INTS2: variants seen among roughly 807,000 people sequenced by gnomAD.
INTS2 encodes the protein KIAA1287.
Under a neutral mutation model 139.6 loss-of-function variants are expected in INTS2, and 57 were observed. The ratio of observed to expected loss-of-function variants is 0.41; its 90% CI spans 0.33 to 0.51. The LOEUF is 0.51. INTS2 is among the 20% of genes least tolerant of loss of function. The pLI, the probability that INTS2 is intolerant of heterozygous loss-of-function variation, is 0.28. For missense variants in INTS2, 1,196 were observed against 1,436.7 expected (o/e 0.83, Z 2.71); for synonymous variants, 473 against 493.4 (o/e 0.96, Z 0.55).
At chr17:61,922,753 G>C (rs1171766412) in intron 3 of INTS2, among the ~76,000 whole-genome samples, 1 of 151,842 alleles carries the variant, frequency 6.6e-6, no homozygotes, top group African/African-American at 2.4e-5. Flanking sequence ...TTACGGAAAA[G>C]ATGAAGGAAA....
In INTS2 at chr17:61,867,773, G is replaced by A; in HGVS notation, c.3422-47C>T. ...ACATTAAGGCCAAGAAATTTGGAAAGGAATTTGGCCTTTTTGTTTGAGATA... is the reference window on the plus strand; with the variant it reads ...ACATTAAGGCCAAGAAATTTGGAAAAGAATTTGGCCTTTTTGTTTGAGATA... On this transcript the variant is annotated intron_variant, in intron 24 of 24. Transcript: ENST00000251334. This position sits in a 1 kb window ranked among gnomAD's most constrained non-coding sequence, Gnocchi z 5.6. 6.4e-7 allele frequency: 1 copy of A among 1,559,836 alleles called. No individual in the cohort carries two copies. The highest frequency in any genetic ancestry group is 8.7e-7 in the Non-Finnish European group (1 of 1,155,040).
At chr17:61,919,546 T>TGGTG (rs1391427946) in intron 4 of INTS2, 33 bp from the exon 5 acceptor site, 2 of 1,140,148 alleles carry the variant, frequency 1.8e-6, no homozygotes, top group Non-Finnish European at 2.6e-6. Flanking sequence ...TTAGTCTTTG[T>TGGTG]TAACAGGTGC....
chr17:61,880,934 A>T (rs1001657451), intron 17 of INTS2, 73 bp downstream of exon 17: 32 of 1,180,508 alleles, frequency 2.7e-5, no homozygotes, highest in African/African-American at 4.6e-5. Flanking sequence ...CTGTATGATT[A>T]TAAGATTTCA....
At chr17:61,900,766 T>G (rs886468398) in intron 9 of INTS2, among the ~76,000 whole-genome samples, 1 of 152,188 alleles carries the variant, frequency 6.6e-6, no homozygotes, top group South Asian at 2.1e-4. Flanking sequence ...GAGACCAGCC[T>G]GACCAACATG....
rs200734224 is a variant in INTS2, at chr17:61,867,750, A to G, written c.3422-24T>C. ...ACCTACAACATAAGGGAAAAAAAAC[A>G]TTAAGGCCAAGAAATTTGGAAAGGA... is the stretch of plus-strand genomic sequence containing the variant. On this transcript the variant is annotated intron_variant, in intron 24 of 24. Coordinates refer to ENST00000251334, the MANE Select transcript of INTS2 (RefSeq NM_001351695.2). The surrounding 1 kb of genome is among the most constrained non-coding windows in gnomAD (Gnocchi z 5.6). 2.1e-3 allele frequency: 3,218 copies of G among 1,566,130 alleles called. 31 individuals carry two copies. In the Middle Eastern group the frequency reaches 0.032, roughly 16 times the overall value.
At position 61,870,088 on chromosome 17, in the gene INTS2, A is replaced by C; in HGVS notation, c.2779-100T>G. The C allele has an allele frequency of 8.6e-7, 1 of 1,169,284 alleles. No homozygotes were observed. Among genetic ancestry groups the C allele is most frequent in the South Asian group, 1.6e-5 (1 of 62,402 alleles). The allele number at this position is 1,169,284 out of a possible 1,614,324, so 72.4% of individuals were successfully genotyped here. ...ATGAACAGATATGATAAAATAACTAATTTCTTAAACACACATACACAAAGA... is the reference window on the plus strand; with the variant it reads ...ATGAACAGATATGATAAAATAACTACTTTCTTAAACACACATACACAAAGA... On this transcript the variant is annotated intron_variant, in intron 20 of 24. Coordinates refer to ENST00000251334, the MANE Select transcript of INTS2 (RefSeq NM_001351695.2). The surrounding 1 kb of genome is among the most constrained non-coding windows in gnomAD (Gnocchi z 4.4).
rs1350294732 is a variant in INTS2, at chr17:61,866,949, T to C, written c.*608A>G. The C allele has an allele frequency of 6.6e-6, 1 of 152,220 alleles. No individual in the cohort carries two copies. The highest frequency in any genetic ancestry group is 2.4e-5 in the African/African-American group (1 of 41,460). The allele number at this position is 152,220 out of a possible 1,614,324, so 9.4% of individuals were successfully genotyped here. On this transcript the variant is annotated 3_prime_UTR_variant, in exon 25 of 25. Coordinates refer to ENST00000251334, the MANE Select transcript of INTS2 (RefSeq NM_001351695.2). ...TGTGAAATCTTTAAATCCTCATCTG[T>C]ATTTCCACAGAAATCATTTACAAAA... is the stretch of plus-strand genomic sequence containing the variant.
intron 3 of INTS2, among the ~76,000 whole-genome samples, chr17:61,923,161 A>C (rs1038964985): frequency 6.6e-6 from 1 of 151,870 alleles, no homozygotes. Flanking sequence ...TTTTAGAAAA[A>C]TTTTTTAACA....
intron 3 of INTS2, among the ~76,000 whole-genome samples, chr17:61,924,393 A>C (rs979351212): frequency 6.6e-6 from 1 of 152,224 alleles, no homozygotes; most frequent in Non-Finnish European, 1.5e-5. Context: ...TGGATTCCAT[A>C]CGGAAAAAAA....
chr17:61,906,566 A>C (rs1302997719), intron 8 of INTS2, among the ~76,000 whole-genome samples: 1 of 152,214 alleles, frequency 6.6e-6, no homozygotes, highest in African/African-American at 2.4e-5. Context: ...AACTGTGTTG[A>C]GAGACCAGCA....
chr17:61,891,367 T>C, intron 14 of INTS2, 146 bp downstream of exon 14: 1 of 656,652 alleles, frequency 1.5e-6, no homozygotes, highest in Non-Finnish European at 2.6e-6. Flanking sequence ...ATTCTTTTAA[T>C]TTTTAGAGGT....
At position 61,876,273 on chromosome 17, in the gene INTS2, A is replaced by C. The variant is rs756462845; in HGVS notation, c.2457-1235T>G. Among the ~76,000 whole-genome samples, 2 of 152,212 alleles carry C rather than the reference A, an allele frequency of 1.3e-5. No individual in the cohort carries two copies. The highest frequency in any genetic ancestry group is 2.9e-5 in the Non-Finnish European group (2 of 68,036). On this transcript the variant is annotated intron_variant, in intron 18 of 24. Coordinates refer to ENST00000251334, the MANE Select transcript of INTS2 (RefSeq NM_001351695.2). The surrounding 1 kb of genome is among the most constrained non-coding windows in gnomAD (Gnocchi z 4.1). ...AATAATTCAGCATCTCAAAAAAGTT[A>C]AGTTTACCACACTCTCTTTCTCAGG...
chr17:61,917,041 TC>T (rs1464816963), intron 5 of INTS2, among the ~76,000 whole-genome samples: 1 of 151,852 alleles, frequency 6.6e-6, no homozygotes, highest in Non-Finnish European at 1.5e-5. Context: ...AAAAAAATGC[TC>T]CATATCACTA....
At position 61,893,949 on chromosome 17, in the gene INTS2, T is replaced by A; in HGVS notation, c.1564-50A>T. ...AATATAATAGAACTAAATATAAAATTATTTTGAAAGAGAGATTAGTAAGTA... is the reference window on the plus strand; with the variant it reads ...AATATAATAGAACTAAATATAAAATAATTTTGAAAGAGAGATTAGTAAGTA... On this transcript the variant is annotated intron_variant, in intron 12 of 24. Transcript: ENST00000251334. The surrounding 1 kb of genome is among the most constrained non-coding windows in gnomAD (Gnocchi z 5.4). 7.5e-7 allele frequency: 1 copy of A among 1,329,560 alleles called. No homozygotes were observed. The highest frequency in any genetic ancestry group is 1.0e-6 in the Non-Finnish European group (1 of 978,856). The allele number at this position is 1,329,560 out of a possible 1,614,324, so 82.4% of individuals were successfully genotyped here.
chr17:61,911,389 T>C (rs2079524858), intron 7 of INTS2, 131 bp downstream of exon 7: 1 of 663,786 alleles, frequency 1.5e-6, no homozygotes, highest in South Asian at 4.3e-5. Flanking sequence ...TTTTAAAATA[T>C]AAGGAGGTCC....
In INTS2 at chr17:61,882,712, G is replaced by A. The variant is rs777680918; in HGVS notation, c.2090-1541C>T. The stretch of plus-strand genomic sequence containing the variant: ...CCATTGCACTCCAGCCTGGGTGACA[G>A]AGCAAGATGCTGTCTCAAAAAAAAT... On this transcript the variant is annotated intron_variant, in intron 16 of 24. Coordinates refer to ENST00000251334, the MANE Select transcript of INTS2 (RefSeq NM_001351695.2). This position sits in a 1 kb window ranked among gnomAD's most constrained non-coding sequence, Gnocchi z 4.7. Among the ~76,000 whole-genome samples, 4 of 152,170 alleles carry A rather than the reference G, an allele frequency of 2.6e-5. No homozygotes were observed. The highest frequency in any genetic ancestry group is 7.2e-5 in the African/African-American group (3 of 41,434).
rs2079505544 is a variant in INTS2, at chr17:61,909,814, CATGTGTGTATGTGTGTGTGTGTGT to C, written c.954+1682_954+1705del. On this transcript the variant is annotated intron_variant, in intron 7 of 24. Transcript: ENST00000251334. The surrounding 1 kb of genome is among the most constrained non-coding windows in gnomAD (Gnocchi z 4.9). ...GTATACATATATACGTGTGTGTGTA[CATGTGTGTATGTGTGTGTGTGTGT>C]GTGTGTGTGTGTGTGTGTGTGTGCA... 1.2e-5 allele frequency among the ~76,000 whole-genome samples: 1 copy of C among 85,160 alleles called. No individual in the cohort carries two copies. The highest frequency in any genetic ancestry group is 4.3e-5 in the African/African-American group (1 of 23,390). 55.9% of individuals were successfully genotyped at this position (85,160 alleles called of 152,430 possible).
rs376547049 is a variant in INTS2, at chr17:61,870,956, A to G, written c.2779-968T>C. Among the ~76,000 whole-genome samples the G allele has an allele frequency of 1.3e-5, 2 of 152,170 alleles. No homozygotes were observed. The highest frequency in any genetic ancestry group is 3.8e-4 in the East Asian group (2 of 5,196). On this transcript the variant is annotated intron_variant, in intron 20 of 24. Coordinates refer to ENST00000251334, the MANE Select transcript of INTS2 (RefSeq NM_001351695.2). This position sits in a 1 kb window ranked among gnomAD's most constrained non-coding sequence, Gnocchi z 4.4. ...TCTGTAAAAATGGAGATAATACTCT[A>G]TACCTCATAGGTAGGTTATAAAAAT...
intron 7 of INTS2, 34 bp from the exon 8 acceptor site, chr17:61,907,668 C>A (rs1379156440): frequency 2.0e-6 from 3 of 1,519,942 alleles, no homozygotes; most frequent in African/African-American, 2.8e-5. Context: ...AGGAAGAAAG[C>A]ATGAAGCATT....
Sources: gnomAD v4.1 joint callset for allele counts (sites outside exome capture counted in the v4.1 genomes callset) on GRCh38, gnomAD v4.1.1 for gene constraint, Gnocchi (gnomAD v3.1) non-coding constraint, MANE v1.5 for transcripts, NCBI Gene and HGNC (gene_info 2026-07-23, HGNC 2026-07-21) for gene names.